The following GBP5 variants were observed in gnomAD, a reference collection of about 807,000 sequenced individuals.
GBP5 encodes guanylate-binding protein 5.
GBP5 carries 48 observed loss-of-function variants against 58.2 expected under a neutral mutation model. The ratio of observed to expected loss-of-function variants is 0.83; its 90% CI spans 0.65 to 1.05. The LOEUF (loss-of-function observed/expected upper bound fraction) is 1.05. Ranked by LOEUF, GBP5 falls within the 50% of genes least tolerant of loss-of-function variation. The probability of loss-of-function intolerance (pLI) is 0.00; values close to 1 mark genes in which losing one functional copy is unlikely to be tolerated. For synonymous variants in GBP5, 248 were observed against 251.8 expected (o/e 0.98, Z 0.14); for missense variants, 714 against 686.8 (o/e 1.04, Z -0.44).
intron 9 of GBP5, 62 bp downstream of exon 9, chr1:89,263,674 T>C: frequency 8.5e-7 from 1 of 1,170,002 alleles, no homozygotes; most frequent in Non-Finnish European, 1.3e-6. Flanking sequence ...ATTTTCCTGT[T>C]CTCACTGGTT....
Position 89,269,451 on chromosome 1 carries a change from C to G in GBP5, c.105G>C (p.Thr35=), listed in dbSNP as rs150964952. ...CAATCGCTACCACAACTACAGGTTG[C>G]GTAATGGCAGACAGGATCTCCAAAG... ...QEALEILSAI[T]QPVVVVAIVG... Residue 35 remains threonine, a synonymous_variant, in exon 3 of 12, where the codon ACG becomes ACC. Transcript: ENST00000370459. The G allele has an allele frequency of 1.2e-3, 1,961 of 1,614,066 alleles. 4 individuals carry two copies. The highest frequency in any genetic ancestry group is 1.6e-3 in the Non-Finnish European group (1,875 of 1,179,966).
chr1:89,267,305 C>T, intron 5 of GBP5, 112 bp downstream of exon 5: 1 of 967,750 alleles, frequency 1.0e-6, no homozygotes. Flanking sequence ...TTTGTACTTT[C>T]AATGTTTATC....
At position 89,265,510 on chromosome 1, in the gene GBP5, C is replaced by CG. The variant is rs752877573; in HGVS notation, c.869-545dup. On this transcript the variant is annotated intron_variant, in intron 7 of 11. Transcript: ENST00000370459. ...TTGGGAGGCTGAGGCGGGCGGATCA[C>CG]GAGGTGAGGAGATCGAGACCATCTT... Among the ~76,000 whole-genome samples the CG allele has an allele frequency of 1.2e-4, 18 of 151,308 alleles. 3 individuals are homozygous for CG. Among genetic ancestry groups the CG allele is most frequent in the Admixed American group, 2.0e-4 (3 of 15,216 alleles).
chr1:89,258,977 G>T lies in GBP5; in HGVS notation c.*1727C>A, dbSNP rs1341168229. 6.6e-6 allele frequency: 1 copy of T among 151,948 alleles called. No homozygotes were observed. Among genetic ancestry groups the T allele is most frequent in the African/African-American group, 2.4e-5 (1 of 41,370 alleles). 9.4% of individuals were successfully genotyped at this position (151,948 alleles called of 1,614,324 possible). Reference sequence around the variant, plus strand: ...TATGGTTTTCCAAAAATGTTTTTATGGTTAAAATCTGTACAAACAGATATA... The same window carrying T: ...TATGGTTTTCCAAAAATGTTTTTATTGTTAAAATCTGTACAAACAGATATA... On this transcript the variant is annotated 3_prime_UTR_variant, in exon 12 of 12. Coordinates refer to ENST00000370459, the MANE Select transcript of GBP5 (RefSeq NM_052942.5).
At chr1:89,266,711 T>A in intron 6 of GBP5, 123 bp from the exon 7 acceptor site, 1 of 981,376 alleles carries the variant, frequency 1.0e-6, no homozygotes, top group Non-Finnish European at 1.5e-6. Flanking sequence ...AAACCCTAAG[T>A]AAAAAGCAAA....
Position 89,266,608 on chromosome 1 carries a change from A to T in GBP5, c.626-20T>A. 1 of 1,598,164 alleles carries T rather than the reference A, an allele frequency of 6.3e-7. No individual in the cohort carries two copies. The highest frequency in any genetic ancestry group is 2.2e-5 in the East Asian group (1 of 44,788). The stretch of plus-strand genomic sequence containing the variant: ...CACTACCTGGAGAATAAAAAATAGG[A>T]TTTATTTAGCATAGACTTTGCACTC... On this transcript the variant is annotated intron_variant, in intron 6 of 11. Coordinates refer to ENST00000370459, the MANE Select transcript of GBP5 (RefSeq NM_052942.5).
rs867454412 is a variant in GBP5 at position 89,261,911 on chromosome 1, T to C, written c.1647+309A>G. ...ATGCCTTGGTTTTTATTTAACAACA[T>C]ATAGTGCTTACTCTGTATCGGGCAC... On this transcript the variant is annotated intron_variant, in intron 11 of 11. Transcript: ENST00000370459. Among the ~76,000 whole-genome samples the C allele has an allele frequency of 3.9e-5, 6 of 152,350 alleles. No homozygotes were observed. In the Middle Eastern group the frequency reaches 0.01, roughly 259 times the overall value.
At position 89,260,600 on chromosome 1, in the gene GBP5, T is replaced by G. The variant is rs1649970909; in HGVS notation, c.*104A>C. ...CTATATGAAAGTTTGAAAAAATAAT[T>G]ATAAAGTTTATTTAAATGTTGATTG... On this transcript the variant is annotated 3_prime_UTR_variant, in exon 12 of 12. Transcript: ENST00000370459. 2.8e-6 allele frequency: 2 copies of G among 718,666 alleles called. No homozygotes were observed. Among genetic ancestry groups the G allele is most frequent in the Non-Finnish European group, 4.8e-6 (2 of 414,790 alleles). The allele number at this position is 718,666 out of a possible 1,614,324, so 44.5% of individuals were successfully genotyped here. A position where few individuals can be genotyped will look rare whatever the true frequency, so the allele number is the denominator to read the frequency against.
At position 89,260,636 on chromosome 1, in the gene GBP5, TAC is replaced by T; in HGVS notation, c.*66_*67del. On this transcript the variant is annotated 3_prime_UTR_variant, in exon 12 of 12. Coordinates refer to ENST00000370459, the MANE Select transcript of GBP5 (RefSeq NM_052942.5). ...TTTAAATGTTGATTGTCCCAAGGTCTACAGTTTCTTTTCTGTTGTGTCATCAG... is the reference window on the plus strand; with the variant it reads ...TTTAAATGTTGATTGTCCCAAGGTCTAGTTTCTTTTCTGTTGTGTCATCAG... 2.2e-6 allele frequency: 2 copies of T among 910,952 alleles called. No homozygotes were observed. Among genetic ancestry groups the T allele is most frequent in the East Asian group, 2.4e-5 (1 of 41,528 alleles). 56.4% of individuals were successfully genotyped at this position (910,952 alleles called of 1,614,324 possible). A position where few individuals can be genotyped will look rare whatever the true frequency, so the allele number is the denominator to read the frequency against.
chr1:89,260,650 T>C lies in GBP5; in HGVS notation c.*54A>G. 1 of 1,047,648 alleles carries C rather than the reference T, an allele frequency of 9.5e-7. No individual in the cohort carries two copies. Among genetic ancestry groups the C allele is most frequent in the Non-Finnish European group, 1.5e-6 (1 of 677,136 alleles). 64.9% of individuals were successfully genotyped at this position (1,047,648 alleles called of 1,614,324 possible). A position where few individuals can be genotyped will look rare whatever the true frequency, so the allele number is the denominator to read the frequency against. On this transcript the variant is annotated 3_prime_UTR_variant, in exon 12 of 12. Transcript: ENST00000370459. ...GTCCCAAGGTCTACAGTTTCTTTTC[T>C]GTTGTGTCATCAGTGACAAAGAGTA... is the stretch of plus-strand genomic sequence containing the variant.
At chr1:89,269,632 G>A (rs1002272139) in intron 2 of GBP5, 58 bp from the exon 3 acceptor site, 1 of 1,214,614 alleles carries the variant, frequency 8.2e-7, no homozygotes, top group African/African-American at 1.5e-5. Context: ...ATAAGCAAAG[G>A]AAGTCATTTT....
chr1:89,262,968 T>C (rs750518373), intron 9 of GBP5, 183 bp from the exon 10 acceptor site: 34 of 454,590 alleles, frequency 7.5e-5, no homozygotes, highest in Middle Eastern at 3.0e-4. Flanking sequence ...GAACTGCCAA[T>C]TGAGACTGGA....
chr1:89,262,954 G>C (rs1450577675), intron 9 of GBP5, 169 bp from the exon 10 acceptor site: 3 of 466,616 alleles, frequency 6.4e-6, no homozygotes, highest in African/African-American at 6.2e-5. Context: ...CCCTGCACTT[G>C]GTGGAACTGC....
At chr1:89,262,427 T>C (rs1490397694) in intron 10 of GBP5, 26 bp from the exon 11 acceptor site, 1 of 1,595,066 alleles carries the variant, frequency 6.3e-7, no homozygotes, top group South Asian at 1.1e-5. Flanking sequence ...TAATCTTCTC[T>C]AGGATTAATG....
Position 89,262,718 on chromosome 1 carries a change from T to TC in GBP5, c.1429dup (p.Asp477GlyfsTer21), listed in dbSNP as rs1368051207. 2 of 1,609,940 alleles carry TC rather than the reference T, an allele frequency of 1.2e-6. No individual in the cohort carries two copies. Among genetic ancestry groups the TC allele is most frequent in the South Asian group, 2.2e-5 (2 of 90,856 alleles). ...TTTTTCCGTCTCTGTGAGAGCCTGG[T>TC]CAGTCTGTAATATTGCATGACTCAC... is the stretch of plus-strand genomic sequence containing the variant. On this transcript the variant is annotated frameshift_variant, in exon 10 of 12. Coordinates refer to ENST00000370459, the MANE Select transcript of GBP5 (RefSeq NM_052942.5). LOFTEE classifies it high-confidence loss of function.
chr1:89,265,416 C>T (rs2100721417), intron 7 of GBP5, among the ~76,000 whole-genome samples: 1 of 151,026 alleles, frequency 6.6e-6, no homozygotes, highest in East Asian at 1.9e-4. Context: ...TACAGAATTC[C>T]TTTTTCTATT....
Position 89,267,050 on chromosome 1 carries a change from A to G in GBP5, c.532T>C (p.Trp178Arg). ...DSASFFPDLV[W>R]TLRDFCLGLE... ...CCTAAGCAGAAATCTCTCAGAGTCC[A>G]CACTAAGTCTGGGAAGAAGCTCGCA... The change falls in exon 6 of 12, where the codon TGG becomes CGG. Residue 178 changes from tryptophan (W) to arginine (R), a missense_variant. By Grantham distance (101) the Trp-to-Arg change is moderately radical. Transcript: ENST00000370459. The G allele has an allele frequency of 6.2e-7, 1 of 1,612,870 alleles. No homozygotes were observed. The highest frequency in any genetic ancestry group is 8.5e-7 in the Non-Finnish European group (1 of 1,179,748).
chr1:89,267,580 T>C (rs886367183), intron 4 of GBP5, 54 bp from the exon 5 acceptor site: 1 of 1,033,978 alleles, frequency 9.7e-7, no homozygotes, highest in Non-Finnish European at 1.5e-6. Flanking sequence ...AGATGAGCGA[T>C]ATTTAAAAAT....
Position 89,260,444 on chromosome 1 carries a change from G to T in GBP5, c.*260C>A. 3.3e-6 allele frequency: 1 copy of T among 299,496 alleles called. No individual in the cohort carries two copies. Among genetic ancestry groups the T allele is most frequent in the Non-Finnish European group, 6.3e-6 (1 of 158,738 alleles). The allele number at this position is 299,496 out of a possible 1,614,324, so 18.6% of individuals were successfully genotyped here. A position where few individuals can be genotyped will look rare whatever the true frequency, so the allele number is the denominator to read the frequency against. ...CCTGATGAAACCATCCCAATATCAC[G>T]CATAAATGAAGGCAGTGATACAATG... On this transcript the variant is annotated 3_prime_UTR_variant, in exon 12 of 12. Transcript: ENST00000370459.
Sources: allele counts gnomAD v4.1 joint callset (sites outside exome capture counted in the v4.1 genomes callset), GRCh38; gene constraint gnomAD v4.1.1; transcripts MANE v1.5; gene names NCBI Gene and HGNC (gene_info 2026-07-23, HGNC 2026-07-21).